The following DIAPH3 variants were observed in gnomAD, a reference collection of about 807,000 sequenced individuals.
DIAPH3 encodes protein diaphanous homolog 3.
In DIAPH3, 117 loss-of-function variants were observed where a neutral mutation model predicts 144.3. The ratio of observed to expected loss-of-function variants is 0.81; its 90% confidence interval spans 0.70 to 0.95. The LOEUF (loss-of-function observed/expected upper bound fraction) is 0.95. Among genes scored for constraint, DIAPH3 ranks in the 40% least tolerant of loss-of-function variants. The pLI is 0.00. For missense variants in DIAPH3, 1,421 were observed against 1,412.7 expected (o/e 1.01, Z -0.09); for synonymous variants, 519 against 488.9 (o/e 1.06, Z -0.81).
At chr13:59,668,493 G>A (rs1027917558) in intron 27 of DIAPH3, among the ~76,000 whole-genome samples, 2 of 152,194 alleles carry the variant, frequency 1.3e-5, no homozygotes, top group Non-Finnish European at 2.9e-5. Context: ...GCCAAAATAT[G>A]GGTATAGAAT....
chr13:59,916,296 A>G, intron 18 of DIAPH3, 47 bp from the exon 19 acceptor site: 1 of 1,408,512 alleles, frequency 7.1e-7, no homozygotes. Flanking sequence ...AAGGTTTAAA[A>G]AAGTATTTCA....
rs560358063 is a variant in DIAPH3, at chr13:60,079,702, G to T, written c.495+13926C>A. 7.2e-5 allele frequency among the ~76,000 whole-genome samples: 11 copies of T among 151,896 alleles called. No individual in the cohort carries two copies. The East Asian group carries it at 2.1e-3, about 29-fold the overall frequency. On this transcript the variant is annotated intron_variant, in intron 4 of 27. Coordinates refer to ENST00000400324, the MANE Select transcript of DIAPH3 (RefSeq NM_001042517.2). ...AGAGCCACTCCTACTCAAAGAAAAG[G>T]GTTTGGCTCAATATCTAAAGACAGG...
At chr13:59,826,904 C>G (rs1159849116) in intron 24 of DIAPH3, among the ~76,000 whole-genome samples, 2 of 151,816 alleles carry the variant, frequency 1.3e-5, no homozygotes, top group East Asian at 3.9e-4. Flanking sequence ...TGATCTTTGA[C>G]AAACCTGACA....
At chr13:59,879,046 T>A (rs1288601195) in intron 21 of DIAPH3, among the ~76,000 whole-genome samples, 183 bp downstream of exon 21, 1 of 152,168 alleles carries the variant, frequency 6.6e-6, no homozygotes, top group Non-Finnish European at 1.5e-5. Flanking sequence ...AAAATTAATA[T>A]TTGGATTTAG....
intron 17 of DIAPH3, among the ~76,000 whole-genome samples, chr13:59,929,867 G>A (rs1464306432): frequency 2.6e-5 from 4 of 151,780 alleles, no homozygotes; most frequent in East Asian, 1.9e-4. Context: ...CACCATGCCC[G>A]GCCCTCATTT....
intron 4 of DIAPH3, among the ~76,000 whole-genome samples, chr13:60,062,938 G>A (rs1045021396): frequency 1.3e-5 from 2 of 152,196 alleles, no homozygotes; most frequent in Non-Finnish European, 2.9e-5. Flanking sequence ...TGATCAGCGT[G>A]GTTGTTGCTG....
At chr13:59,930,658 C>G (rs750314812) in intron 17 of DIAPH3, among the ~76,000 whole-genome samples, 8 of 152,078 alleles carry the variant, frequency 5.3e-5, no homozygotes, top group Non-Finnish European at 8.8e-5. Flanking sequence ...TTAAGCCAGG[C>G]TAAGACATTT....
At chr13:59,920,231 A>G (rs922032014) in intron 18 of DIAPH3, among the ~76,000 whole-genome samples, 9 of 151,918 alleles carry the variant, frequency 5.9e-5, no homozygotes, top group Non-Finnish European at 4.4e-5. Context: ...AAATGGACTG[A>G]ATTCTCAAAT....
Position 60,012,242 on chromosome 13 carries a change from T to C in DIAPH3, c.772-1573A>G, listed in dbSNP as rs574331833. 2.6e-5 allele frequency among the ~76,000 whole-genome samples: 4 copies of C among 152,304 alleles called. No individual in the cohort carries two copies. In the East Asian group the frequency reaches 7.7e-4, roughly 29 times the overall value. ...CTTGTACTGGGCTGAAATACTCCAT[T>C]TACTTTAAACCACTATCTGAGAAAC... On this transcript the variant is annotated intron_variant, in intron 7 of 27. Coordinates refer to ENST00000400324, the MANE Select transcript of DIAPH3 (RefSeq NM_001042517.2).
At chr13:60,114,425 A>C (rs2138085456) in intron 2 of DIAPH3, among the ~76,000 whole-genome samples, 1 of 152,274 alleles carries the variant, frequency 6.6e-6, no homozygotes, top group East Asian at 1.9e-4. Flanking sequence ...ACACAAACAA[A>C]ATAATGAGAT....
At chr13:59,785,800 T>G (rs965100765) in intron 25 of DIAPH3, among the ~76,000 whole-genome samples, 1 of 152,170 alleles carries the variant, frequency 6.6e-6, no homozygotes, top group Non-Finnish European at 1.5e-5. Context: ...AAGGCATATA[T>G]GTACATAAAG....
chr13:59,762,680 A>T (rs1566274914), intron 27 of DIAPH3, among the ~76,000 whole-genome samples: 1 of 151,926 alleles, frequency 6.6e-6, no homozygotes, highest in African/African-American at 2.4e-5. Context: ...CTTTTAATAC[A>T]ATTGTACAAA....
rs1340059175 is a variant in DIAPH3, at chr13:60,075,007, T to C, written c.495+18621A>G. On this transcript the variant is annotated intron_variant, in intron 4 of 27. Coordinates refer to ENST00000400324, the MANE Select transcript of DIAPH3 (RefSeq NM_001042517.2). ...AAATAGGTTCAAAATAGTGGAACCA[T>C]TACATCAGTAGGGTATACAAGTTTT... Among the ~76,000 whole-genome samples the C allele has an allele frequency of 2.6e-5, 4 of 152,148 alleles. No individual in the cohort carries two copies. In the South Asian group the frequency reaches 6.2e-4, roughly 24 times the overall value.
intron 17 of DIAPH3, among the ~76,000 whole-genome samples, chr13:59,947,322 T>C (rs966203952): frequency 3.9e-5 from 6 of 152,260 alleles, no homozygotes; most frequent in South Asian, 4.1e-4. Flanking sequence ...GTGAAGGAAA[T>C]GTCATTATCA....
chr13:59,896,884 G>C (rs1366605991), intron 20 of DIAPH3, among the ~76,000 whole-genome samples: 1 of 152,152 alleles, frequency 6.6e-6, no homozygotes, highest in African/African-American at 2.4e-5. Flanking sequence ...CTCAATATGA[G>C]ATCTGGAAGT....
At chr13:59,913,095 C>T (rs2047072021) in intron 19 of DIAPH3, among the ~76,000 whole-genome samples, 1 of 152,144 alleles carries the variant, frequency 6.6e-6, no homozygotes, top group Non-Finnish European at 1.5e-5. Flanking sequence ...TTTACCCATT[C>T]TAGTTGACAG....
chr13:59,778,581 C>A (rs1424635618), intron 25 of DIAPH3, among the ~76,000 whole-genome samples: 23 of 152,224 alleles, frequency 1.5e-4, no homozygotes, highest in Admixed American at 1.5e-3. Context: ...TACATTCCCG[C>A]CACCATTCTA....
intron 27 of DIAPH3, chr13:59,773,914 C>A (rs1566288696): frequency 2.8e-6 from 1 of 355,608 alleles, no homozygotes; most frequent in Non-Finnish European, 5.1e-6. Flanking sequence ...TTGGATAACA[C>A]TGATCAGCAA....
At chr13:59,719,268 T>C (rs576140604) in intron 27 of DIAPH3, among the ~76,000 whole-genome samples, 3 of 152,336 alleles carry the variant, frequency 2.0e-5, no homozygotes, top group South Asian at 2.1e-4. Context: ...AGTTCAATTG[T>C]AGCACATATA....
Sources: gnomAD v4.1 joint callset for allele counts (sites outside exome capture counted in the v4.1 genomes callset) on GRCh38, gnomAD v4.1.1 for gene constraint, MANE v1.5 for transcripts, NCBI Gene and HGNC (gene_info 2026-07-23, HGNC 2026-07-21) for gene names.